The following TLN2 variants were observed in gnomAD, a reference collection of about 807,000 sequenced individuals.
The protein encoded by TLN2 is talin-2.
In TLN2, 118 loss-of-function variants were observed where a neutral mutation model predicts 294.7. The observed-to-expected ratio is 0.40, with a 90% CI of 0.34 to 0.47. TLN2 has a LOEUF of 0.47. Ranked by LOEUF, TLN2 falls within the 20% of genes least tolerant of loss-of-function variation. TLN2 has a pLI of 0.84. For synonymous variants in TLN2, 1,431 were observed against 1,304.5 expected (o/e 1.10, Z -2.09); for missense variants, 3,083 against 3,282.2 (o/e 0.94, Z 1.48).
intron 48 of TLN2, 108 bp downstream of exon 48, chr15:62,797,510 G>A: frequency 8.0e-7 from 1 of 1,245,580 alleles, no homozygotes; most frequent in Non-Finnish European, 1.1e-6. Flanking sequence ...AGTAGACAAT[G>A]TGTGTGTGAG....
intron 1 of TLN2, among the ~76,000 whole-genome samples, chr15:62,491,345 T>TAC (rs1422672814): frequency 3.5e-5 from 4 of 115,174 alleles, no homozygotes; most frequent in Non-Finnish European, 5.5e-5. Flanking sequence ...AAAATATATA[T>TAC]ATATATACAC....
At chr15:62,477,206 G>T (rs1305912609) in intron 1 of TLN2, among the ~76,000 whole-genome samples, 2 of 152,220 alleles carry the variant, frequency 1.3e-5, no homozygotes, top group African/African-American at 2.4e-5. Flanking sequence ...TGGGCATCTT[G>T]TTAAAACACA....
intron 52 of TLN2, among the ~76,000 whole-genome samples, chr15:62,810,640 G>A (rs1320635770): frequency 6.6e-6 from 1 of 152,112 alleles, no homozygotes; most frequent in Non-Finnish European, 1.5e-5. Flanking sequence ...CCACGTGGGA[G>A]CCTCAGTTTG....
intron 4 of TLN2, among the ~76,000 whole-genome samples, chr15:62,649,244 G>A (rs1163944406): frequency 6.6e-6 from 1 of 151,960 alleles, no homozygotes; most frequent in African/African-American, 2.4e-5. Flanking sequence ...AGTCATTTCT[G>A]GTGCCTTTAC....
intron 1 of TLN2, among the ~76,000 whole-genome samples, chr15:62,416,969 A>G (rs1384789554): frequency 2.6e-5 from 4 of 152,076 alleles, no homozygotes; most frequent in South Asian, 2.1e-4. Context: ...TCCGCTTCCT[A>G]TCTCCAGAAC....
Position 62,414,166 on chromosome 15 carries a change from AT to A in TLN2, c.-238+23482del, listed in dbSNP as rs1566953009. 1.4e-3 allele frequency among the ~76,000 whole-genome samples: 109 copies of A among 79,302 alleles called. 12 individuals are homozygous for A. The highest frequency in any genetic ancestry group is 3.9e-3 in the African/African-American group (104 of 26,880). 52.0% of individuals were successfully genotyped at this position (79,302 alleles called of 152,430 possible). On this transcript the variant is annotated intron_variant, in intron 1 of 58. Transcript: ENST00000636159. Reference sequence around the variant, plus strand: ...TGAAGTGTTAGCAAAAAAAAAAACTATATATATATATATATATATATATATA... The same window carrying A: ...TGAAGTGTTAGCAAAAAAAAAAACTAATATATATATATATATATATATATA...
intron 1 of TLN2, among the ~76,000 whole-genome samples, chr15:62,481,565 A>G (rs2038090958): frequency 6.6e-6 from 1 of 151,986 alleles, no homozygotes; most frequent in Admixed American, 6.6e-5. Flanking sequence ...TCACACCATG[A>G]TGCCCGGGTT....
rs909726432 is a variant in TLN2, at chr15:62,698,588, A to G, written c.1474-166A>G. 8.5e-5 allele frequency among the ~76,000 whole-genome samples: 13 copies of G among 152,256 alleles called. No homozygotes were observed. The South Asian group carries it at 1.2e-3, about 15-fold the overall frequency. On this transcript the variant is annotated intron_variant, in intron 15 of 58. Transcript: ENST00000636159. ...GTTCTATTAATATAATGCAGTATCT[A>G]TTTCTGGCCTCCAGGTTGAAATGGG...
chr15:62,773,132 T>G (rs1326363373), intron 42 of TLN2, among the ~76,000 whole-genome samples: 1 of 150,394 alleles, frequency 6.6e-6, no homozygotes, highest in Non-Finnish European at 1.5e-5. Context: ...CTCCCAGCCA[T>G]CAGAGATGGG....
intron 54 of TLN2, among the ~76,000 whole-genome samples, chr15:62,823,684 C>T (rs1353353965): frequency 1.3e-5 from 2 of 152,176 alleles, no homozygotes; most frequent in Non-Finnish European, 2.9e-5. Context: ...GGTACATTTC[C>T]ACCTCAGGCT....
At chr15:62,718,705 TTTGCTTCCTA>T (rs2059937638) in intron 24 of TLN2, among the ~76,000 whole-genome samples, 1 of 151,218 alleles carries the variant, frequency 6.6e-6, no homozygotes, top group Non-Finnish European at 1.5e-5. Context: ...TGTGGAGGAG[TTTGCTTCCTA>T]TTGGGTCCTC....
chr15:62,816,306 C>G (rs2067112052), intron 52 of TLN2, among the ~76,000 whole-genome samples: 1 of 152,182 alleles, frequency 6.6e-6, no homozygotes. Context: ...TATTGCAGGA[C>G]AAAAAGCCGC....
At chr15:62,759,105 T>C (rs1048339543) in intron 37 of TLN2, among the ~76,000 whole-genome samples, 3 of 152,260 alleles carry the variant, frequency 2.0e-5, no homozygotes. Context: ...TTCATCATTA[T>C]GGCTGGTATG....
intron 1 of TLN2, among the ~76,000 whole-genome samples, chr15:62,414,164 C>CTATATATATATATATATATATA (rs780803268): frequency 2.6e-4 from 24 of 90,618 alleles, no homozygotes; most frequent in Admixed American, 4.7e-4. Flanking sequence ...AAAAAAAAAA[C>CTATATATATATATATATATATA]TATATATATA....
intron 1 of TLN2, among the ~76,000 whole-genome samples, chr15:62,490,352 G>T (rs1228694920): frequency 6.6e-6 from 1 of 152,070 alleles, no homozygotes; most frequent in East Asian, 1.9e-4. Context: ...CTTACTTATG[G>T]GGGTTATCTC....
At chr15:62,673,068 T>TGTGTGTGTGTGTGTG (rs1266665767) in intron 9 of TLN2, among the ~76,000 whole-genome samples, 2 of 33,420 alleles carry the variant, frequency 6.0e-5, no homozygotes, top group Non-Finnish European at 1.7e-4. Flanking sequence ...ATATCCTAAT[T>TGTGTGTGTGTGTGTG]TAATTGTGTG....
At chr15:62,691,751 A>G (rs996031717) in intron 12 of TLN2, among the ~76,000 whole-genome samples, 3 of 151,846 alleles carry the variant, frequency 2.0e-5, no homozygotes, top group Admixed American at 2.0e-4. Flanking sequence ...GTGTGATCAT[A>G]GCTCACCTCC....
At chr15:62,465,744 A>C (rs774741929) in intron 1 of TLN2, among the ~76,000 whole-genome samples, 1 of 152,222 alleles carries the variant, frequency 6.6e-6, no homozygotes, top group Non-Finnish European at 1.5e-5. Flanking sequence ...GAAAATTCTT[A>C]CATGTACATT....
At chr15:62,670,097 C>T (rs74922299) in intron 9 of TLN2, among the ~76,000 whole-genome samples, 1,738 of 152,290 alleles carry the variant, frequency 0.011, 38 homozygotes, top group African/African-American at 0.04. Flanking sequence ...TGCTGGTCCC[C>T]TGGACACCAC....
Sources: allele counts gnomAD v4.1 joint callset (sites outside exome capture counted in the v4.1 genomes callset), GRCh38; gene constraint gnomAD v4.1.1; transcripts MANE v1.5; gene names NCBI Gene and HGNC (gene_info 2026-07-23, HGNC 2026-07-21).